The following GUCY1A2 variants were observed in gnomAD, a reference collection of about 807,000 sequenced individuals.
GUCY1A2 encodes the protein guanylate cyclase 1 soluble subunit alpha 2.
Under a neutral mutation model 63.5 loss-of-function variants are expected in GUCY1A2, and 27 were observed. The observed-to-expected ratio is 0.43, with a 90% CI of 0.31 to 0.59. The LOEUF (loss-of-function observed/expected upper bound fraction) is 0.59, where lower values mean the gene tolerates loss of function less well. GUCY1A2 is among the 20% of genes least tolerant of loss of function. GUCY1A2 has a pLI of 0.11. For synonymous variants in GUCY1A2, 364 were observed against 343.5 expected (o/e 1.06, Z -0.66); for missense variants, 768 against 913.3 (o/e 0.84, Z 2.05).
intron 4 of GUCY1A2, among the ~76,000 whole-genome samples, chr11:106,900,946 T>C (rs868797223): frequency 2.0e-5 from 3 of 152,218 alleles, no homozygotes; most frequent in Admixed American, 1.3e-4. Flanking sequence ...TTGCTGAAGG[T>C]TGAGGTAGTT....
chr11:106,979,706 T>A (rs1405839733), intron 2 of GUCY1A2, among the ~76,000 whole-genome samples: 1 of 152,070 alleles, frequency 6.6e-6, no homozygotes, highest in Admixed American at 6.5e-5. Context: ...GAATGAGAGC[T>A]AAGACAAAAA....
intron 1 of GUCY1A2, among the ~76,000 whole-genome samples, chr11:107,009,709 G>A (rs562680388): frequency 4.2e-4 from 64 of 152,116 alleles, no homozygotes; most frequent in Non-Finnish European, 8.4e-4. Flanking sequence ...TAGGATGTGG[G>A]GATAACAGCA....
intron 3 of GUCY1A2, among the ~76,000 whole-genome samples, chr11:106,974,822 C>A (rs1861241999): frequency 6.6e-6 from 1 of 151,558 alleles, no homozygotes; most frequent in African/African-American, 2.4e-5. Context: ...TATGCACTTC[C>A]TGACTATTTT....
intron 5 of GUCY1A2, among the ~76,000 whole-genome samples, chr11:106,787,628 A>G (rs1378293667): frequency 1.0e-5 from 1 of 100,484 alleles, no homozygotes; most frequent in Non-Finnish European, 2.2e-5. Flanking sequence ...CAAGAGAAAA[A>G]GAAGGAAGTT....
At position 106,990,846 on chromosome 11, in the gene GUCY1A2, C is replaced by G. The variant is rs186486857; in HGVS notation, c.304-4715G>C. On this transcript the variant is annotated intron_variant, in intron 1 of 7. Coordinates refer to ENST00000526355, the MANE Select transcript of GUCY1A2 (RefSeq NM_000855.3). ...AGTCTATATTCTTATTTGATACACA[C>G]AGCACTTCATCATGCCAAAAAAAGC... Among the ~76,000 whole-genome samples the G allele has an allele frequency of 4.7e-4, 72 of 152,296 alleles. 1 individual carries two copies. The highest frequency in any genetic ancestry group is 1.4e-3 in the South Asian group (7 of 4,830).
chr11:106,794,242 A>C (rs1033514303), intron 5 of GUCY1A2, among the ~76,000 whole-genome samples: 3 of 152,282 alleles, frequency 2.0e-5, no homozygotes, highest in South Asian at 2.1e-4. Context: ...AGCCAGACAC[A>C]GAAAGATAAA....
intron 4 of GUCY1A2, among the ~76,000 whole-genome samples, chr11:106,897,986 C>A (rs966946466): frequency 6.6e-6 from 1 of 151,922 alleles, no homozygotes; most frequent in South Asian, 2.1e-4. Flanking sequence ...GACAAATAAC[C>A]CTTAAAACTC....
chr11:106,862,446 G>T (rs1859526570), intron 4 of GUCY1A2, among the ~76,000 whole-genome samples: 1 of 151,568 alleles, frequency 6.6e-6, no homozygotes, highest in African/African-American at 2.4e-5. Flanking sequence ...GAAGCATCTT[G>T]CTCCTGAACA....
chr11:106,708,808 C>T (rs983491974), intron 6 of GUCY1A2, 142 bp from the exon 7 acceptor site: 3 of 477,576 alleles, frequency 6.3e-6, no homozygotes, highest in Middle Eastern at 5.6e-4. Flanking sequence ...GAGTCCTGGT[C>T]ATTTTTGTGA....
intron 1 of GUCY1A2, among the ~76,000 whole-genome samples, chr11:106,988,518 T>C (rs759841667): frequency 2.6e-5 from 4 of 152,182 alleles, no homozygotes; most frequent in Non-Finnish European, 4.4e-5. Flanking sequence ...AAGCACATAT[T>C]TGTGAAAGGA....
At chr11:106,917,157 A>T (rs142185296) in intron 4 of GUCY1A2, among the ~76,000 whole-genome samples, 1 of 146,036 alleles carries the variant, frequency 6.8e-6, no homozygotes, top group East Asian at 2.1e-4. Context: ...TTTCACATAG[A>T]GCAAGAGAAA....
chr11:106,922,535 C>T (rs977673899), intron 4 of GUCY1A2, among the ~76,000 whole-genome samples: 2 of 148,726 alleles, frequency 1.3e-5, no homozygotes, highest in Admixed American at 6.7e-5. Flanking sequence ...ATTGTGAGTA[C>T]ACACACACAC....
intron 4 of GUCY1A2, among the ~76,000 whole-genome samples, chr11:106,819,180 A>G (rs1433661005): frequency 6.6e-6 from 1 of 152,204 alleles, no homozygotes; most frequent in Non-Finnish European, 1.5e-5. Context: ...CTTCTTACAG[A>G]TGGGCAAAGA....
intron 6 of GUCY1A2, among the ~76,000 whole-genome samples, chr11:106,723,010 A>T (rs1195828828): frequency 6.6e-6 from 1 of 152,246 alleles, no homozygotes; most frequent in Non-Finnish European, 1.5e-5. Context: ...ATATATGTGT[A>T]ATTTTATAGG....
At chr11:106,985,799 G>A (rs189006468) in intron 2 of GUCY1A2, among the ~76,000 whole-genome samples, 13 of 151,992 alleles carry the variant, frequency 8.6e-5, no homozygotes, top group African/African-American at 2.2e-4. Flanking sequence ...ATTCAACATC[G>A]GAATAAAAGA....
chr11:106,677,105 T>G lies in GUCY1A2; in HGVS notation c.*10444A>C. On this transcript the variant is annotated 3_prime_UTR_variant, in exon 8 of 8. Coordinates refer to ENST00000526355, the MANE Select transcript of GUCY1A2 (RefSeq NM_000855.3). ...TCATGTGAAAGTGAAAAAGGGAGGC[T>G]CCAGCCCAAATAGTAAAGTACTATT... 4.7e-6 allele frequency: 1 copy of G among 214,986 alleles called. No homozygotes were observed. The highest frequency in any genetic ancestry group is 9.4e-6 in the Non-Finnish European group (1 of 106,446). 13.3% of individuals were successfully genotyped at this position (214,986 alleles called of 1,614,324 possible).
intron 3 of GUCY1A2, among the ~76,000 whole-genome samples, chr11:106,964,483 T>G (rs1861101211): frequency 6.6e-6 from 1 of 152,102 alleles, no homozygotes; most frequent in Admixed American, 6.5e-5. Context: ...TGTAAACAAT[T>G]AGGAAGCACA....
At chr11:106,763,001 T>C (rs933277094) in intron 6 of GUCY1A2, among the ~76,000 whole-genome samples, 6 of 152,098 alleles carry the variant, frequency 3.9e-5, no homozygotes, top group Admixed American at 3.3e-4. Flanking sequence ...GTGCTTACTT[T>C]AGAAATTATA....
At chr11:106,723,784 C>T (rs1863357513) in intron 6 of GUCY1A2, among the ~76,000 whole-genome samples, 1 of 152,058 alleles carries the variant, frequency 6.6e-6, no homozygotes, top group African/African-American at 2.4e-5. Context: ...GATCATGCTA[C>T]TGCACTTCCA....
Sources: allele counts gnomAD v4.1 joint callset (sites outside exome capture counted in the v4.1 genomes callset), GRCh38; gene constraint gnomAD v4.1.1; transcripts MANE v1.5; gene names NCBI Gene and HGNC (gene_info 2026-07-23, HGNC 2026-07-21).